Variants in PCDH9 observed in about 807,000 individuals in gnomAD.
The protein encoded by PCDH9 is protocadherin-9.
A neutral mutation model predicts 70.6 loss-of-function variants in PCDH9; 24 were observed. That is an observed-to-expected ratio of 0.34 (90% CI 0.25 to 0.48). The LOEUF is 0.48. Among genes scored for constraint, PCDH9 ranks in the 20% least tolerant of loss-of-function variants. The pLI, the probability that PCDH9 is intolerant of heterozygous loss-of-function variation, is 0.99. For missense variants in PCDH9, 1,281 were observed against 1,503.6 expected, an observed-to-expected ratio of 0.85 and a Z score of 2.45; for synonymous variants, 562 against 558.5, an observed-to-expected ratio of 1.01 and a Z score of -0.09.
intron 2 of PCDH9, among the ~76,000 whole-genome samples, chr13:67,047,000 A>G (rs1364109408): frequency 6.6e-6 from 1 of 152,220 alleles, no homozygotes; most frequent in African/African-American, 2.4e-5. Flanking sequence ...AGAGCAATGC[A>G]TATAAATGAC....
At chr13:66,351,847 CTTTT>C (rs5804277) in intron 4 of PCDH9, among the ~76,000 whole-genome samples, 1 of 148,288 alleles carries the variant, frequency 6.7e-6, no homozygotes, top group African/African-American at 2.5e-5. Flanking sequence ...CTTTTCTTTT[CTTTT>C]TTTTTAAGAC....
intron 4 of PCDH9, among the ~76,000 whole-genome samples, chr13:66,533,902 A>C (rs747034219): frequency 9.2e-5 from 14 of 152,160 alleles, no homozygotes; most frequent in Non-Finnish European, 1.5e-4. Context: ...ATTTGATGAA[A>C]TAAAATGAGT....
At chr13:67,078,685 C>G (rs1248259937) in intron 2 of PCDH9, among the ~76,000 whole-genome samples, 2 of 152,100 alleles carry the variant, frequency 1.3e-5, no homozygotes, top group Non-Finnish European at 2.9e-5. Context: ...TCTTCCGAAA[C>G]AATATTCCAT....
intron 3 of PCDH9, among the ~76,000 whole-genome samples, chr13:66,721,918 C>A (rs2078946337): frequency 6.6e-6 from 1 of 152,164 alleles, no homozygotes; most frequent in African/African-American, 2.4e-5. Flanking sequence ...ACACGAGCAT[C>A]CAATTTATAA....
intron 3 of PCDH9, among the ~76,000 whole-genome samples, chr13:66,844,839 A>G (rs753031642): frequency 2.4e-4 from 37 of 152,140 alleles, no homozygotes; most frequent in Non-Finnish European, 4.9e-4. Flanking sequence ...TAGCACGTTC[A>G]TACTCTCTAG....
At chr13:66,858,219 A>G (rs927724991) in intron 3 of PCDH9, among the ~76,000 whole-genome samples, 7 of 152,168 alleles carry the variant, frequency 4.6e-5, no homozygotes, top group African/African-American at 1.4e-4. Context: ...GTATGCCATT[A>G]AATAACAAGC....
intron 4 of PCDH9, among the ~76,000 whole-genome samples, chr13:66,566,830 G>A (rs1214543404): frequency 6.6e-6 from 1 of 151,816 alleles, no homozygotes; most frequent in Non-Finnish European, 1.5e-5. Flanking sequence ...TTAAATTTTT[G>A]ATGCATTCAT....
chr13:67,200,820 T>G (rs2138051050), intron 2 of PCDH9, among the ~76,000 whole-genome samples: 1 of 152,112 alleles, frequency 6.6e-6, no homozygotes, highest in African/African-American at 2.4e-5. Flanking sequence ...TAGCCTAAGG[T>G]TCCACATGTG....
intron 3 of PCDH9, among the ~76,000 whole-genome samples, chr13:66,675,541 T>G (rs2078231378): frequency 6.6e-6 from 1 of 152,060 alleles, no homozygotes. Flanking sequence ...ACATTCAAGA[T>G]TTAGATCCAG....
chr13:66,484,841 C>A (rs1177238122), intron 4 of PCDH9, among the ~76,000 whole-genome samples: 1 of 152,144 alleles, frequency 6.6e-6, no homozygotes, highest in Admixed American at 6.5e-5. Context: ...GCATATCTCT[C>A]TGGCTTGTTG....
chr13:66,723,221 A>G (rs887657372), intron 3 of PCDH9, among the ~76,000 whole-genome samples: 28 of 152,170 alleles, frequency 1.8e-4, no homozygotes, highest in African/African-American at 6.5e-4. Flanking sequence ...TTTTCTTCAT[A>G]TCTGCTTCTT....
At chr13:66,761,041 C>T (rs1190710408) in intron 3 of PCDH9, among the ~76,000 whole-genome samples, 2 of 152,168 alleles carry the variant, frequency 1.3e-5, no homozygotes, top group African/African-American at 4.8e-5. Flanking sequence ...ATCAGTAATT[C>T]CAGTTTTGCC....
intron 2 of PCDH9, among the ~76,000 whole-genome samples, chr13:67,139,084 A>G (rs978950954): frequency 6.6e-5 from 10 of 152,194 alleles, no homozygotes; most frequent in African/African-American, 2.4e-4. Context: ...AGTCAATCCT[A>G]TCACATGTGC....
chr13:66,358,106 C>T (rs1956414797), intron 4 of PCDH9, among the ~76,000 whole-genome samples: 1 of 151,784 alleles, frequency 6.6e-6, no homozygotes, highest in Non-Finnish European at 1.5e-5. Flanking sequence ...AAATTGTCTG[C>T]CAAAATTCAG....
intron 2 of PCDH9, among the ~76,000 whole-genome samples, chr13:67,127,495 A>G (rs2087005628): frequency 6.6e-6 from 1 of 152,032 alleles, no homozygotes; most frequent in Non-Finnish European, 1.5e-5. Flanking sequence ...TTTCCCTGCT[A>G]ACTGAGCACT....
At chr13:66,721,422 TTAGTC>T (rs2078939975) in intron 3 of PCDH9, among the ~76,000 whole-genome samples, 2 of 152,204 alleles carry the variant, frequency 1.3e-5, no homozygotes, top group South Asian at 2.1e-4. Context: ...TTATCTTAGT[TTAGTC>T]TAGTGTGTTT....
In PCDH9 at chr13:67,228,501, A is replaced by G. The variant is rs1338683012; in HGVS notation, c.-61T>C. On this transcript the variant is annotated 5_prime_UTR_variant, in exon 2 of 5. Coordinates refer to ENST00000377865, the MANE Select transcript of PCDH9 (RefSeq NM_203487.3). ...GTTTAAAGGTTTCCACTGAGGAATGATGCACAAATTGCAAGAGGAAGCGTG... is the reference window on the plus strand; with the variant it reads ...GTTTAAAGGTTTCCACTGAGGAATGGTGCACAAATTGCAAGAGGAAGCGTG... 12 of 1,411,860 alleles carry G rather than the reference A, an allele frequency of 8.5e-6. No individual in the cohort carries two copies. Among genetic ancestry groups the G allele is most frequent in the Non-Finnish European group, 1.1e-5 (12 of 1,045,896 alleles). The allele number at this position is 1,411,860 out of a possible 1,614,324, so 87.5% of individuals were successfully genotyped here.
chr13:66,685,139 G>C (rs753392459), intron 3 of PCDH9, among the ~76,000 whole-genome samples: 1 of 152,172 alleles, frequency 6.6e-6, no homozygotes, highest in Non-Finnish European at 1.5e-5. Context: ...TGTCTCCAGG[G>C]CATGTCAGAG....
chr13:66,983,639 G>A (rs984192611), intron 2 of PCDH9, among the ~76,000 whole-genome samples: 2 of 152,022 alleles, frequency 1.3e-5, no homozygotes, highest in African/African-American at 4.8e-5. Flanking sequence ...GTGCTCTGGC[G>A]ACAGAAATCA....
Sources: gnomAD v4.1 joint callset for allele counts (sites outside exome capture counted in the v4.1 genomes callset) on GRCh38, gnomAD v4.1.1 for gene constraint, MANE v1.5 for transcripts, NCBI Gene and HGNC (gene_info 2026-07-23, HGNC 2026-07-21) for gene names.